Variants in ZNF804B observed in about 807,000 individuals in gnomAD.
The protein encoded by ZNF804B is zinc finger 804B.
Under a neutral mutation model 101.4 loss-of-function variants are expected in ZNF804B, and 80 were observed. That is an observed-to-expected ratio of 0.79 (90% CI 0.66 to 0.95). The LOEUF (loss-of-function observed/expected upper bound fraction) is 0.95. Among genes scored for constraint, ZNF804B ranks in the 40% least tolerant of loss-of-function variants. The probability of loss-of-function intolerance (pLI) is 0.00; values close to 1 mark genes in which losing one functional copy is unlikely to be tolerated. For missense variants in ZNF804B, 1,673 were observed against 1,561.9 expected, an observed-to-expected ratio of 1.07 and a Z score of -1.20; for synonymous variants, 622 against 558.8, an observed-to-expected ratio of 1.11 and a Z score of -1.59.
At chr7:89,216,336 G>C (rs192532256) in intron 1 of ZNF804B, among the ~76,000 whole-genome samples, 2 of 152,262 alleles carry the variant, frequency 1.3e-5, no homozygotes, top group East Asian at 3.9e-4. Flanking sequence ...TAGTGAGAAA[G>C]AGTGGAGAAA....
chr7:89,201,409 T>G (rs1284670431), intron 1 of ZNF804B, among the ~76,000 whole-genome samples: 3 of 152,016 alleles, frequency 2.0e-5, no homozygotes, highest in Non-Finnish European at 2.9e-5. Flanking sequence ...TAACAGACAC[T>G]GGAGACTCCA....
intron 2 of ZNF804B, among the ~76,000 whole-genome samples, chr7:89,232,274 T>C (rs1423506305): frequency 6.6e-6 from 1 of 152,146 alleles, no homozygotes; most frequent in Admixed American, 6.5e-5. Flanking sequence ...ATTTCTGGAG[T>C]AAATCTCACT....
chr7:88,788,365 A>G (rs1266649268), intron 1 of ZNF804B, among the ~76,000 whole-genome samples: 1 of 151,916 alleles, frequency 6.6e-6, no homozygotes, highest in Non-Finnish European at 1.5e-5. Context: ...CCTTCAACAC[A>G]CCAAGCTTGC....
chr7:89,064,256 A>G (rs150814466), intron 1 of ZNF804B, among the ~76,000 whole-genome samples: 12 of 152,256 alleles, frequency 7.9e-5, no homozygotes, highest in Non-Finnish European at 1.8e-4. Flanking sequence ...AGAAGAACAT[A>G]ACTTTGAGTG....
intron 1 of ZNF804B, among the ~76,000 whole-genome samples, chr7:89,133,447 T>A (rs995673387): frequency 1.3e-4 from 20 of 151,914 alleles, no homozygotes; most frequent in African/African-American, 4.6e-4. Flanking sequence ...AAGGCCAGGG[T>A]TAAGAGAGTC....
chr7:89,160,187 A>G (rs1791037541), intron 1 of ZNF804B, among the ~76,000 whole-genome samples: 1 of 152,266 alleles, frequency 6.6e-6, no homozygotes, highest in African/African-American at 2.4e-5. Context: ...AAGAAAACCT[A>G]TCATTTTGGC....
chr7:89,263,657 C>T (rs1206657685), intron 2 of ZNF804B, among the ~76,000 whole-genome samples: 2 of 151,534 alleles, frequency 1.3e-5, no homozygotes, highest in Non-Finnish European at 2.9e-5. Context: ...AGGTCATCCT[C>T]GATTATCTGG....
chr7:88,774,665 T>C (rs145307861), intron 1 of ZNF804B, among the ~76,000 whole-genome samples: 6 of 152,336 alleles, frequency 3.9e-5, no homozygotes, highest in African/African-American at 1.4e-4. Flanking sequence ...TCTGTTAATC[T>C]AATACCTCAG....
At chr7:88,824,677 G>T (rs1337830481) in intron 1 of ZNF804B, among the ~76,000 whole-genome samples, 10 of 152,090 alleles carry the variant, frequency 6.6e-5, no homozygotes, top group Non-Finnish European at 1.3e-4. Context: ...TAAGCTTGAT[G>T]GTGAATAAAG....
intron 1 of ZNF804B, among the ~76,000 whole-genome samples, chr7:89,142,944 T>G (rs1191564289): frequency 6.6e-6 from 1 of 151,966 alleles, no homozygotes; most frequent in Non-Finnish European, 1.5e-5. Flanking sequence ...ATTGAAGCAC[T>G]GTAATATACT....
chr7:88,967,736 A>T (rs887237283), intron 1 of ZNF804B, among the ~76,000 whole-genome samples: 1 of 140,994 alleles, frequency 7.1e-6, no homozygotes, highest in Admixed American at 7.0e-5. Context: ...AAAAAAAAAA[A>T]ATCATGTGTA....
At chr7:88,864,289 A>C in intron 1 of ZNF804B, among the ~76,000 whole-genome samples, 1 of 152,234 alleles carries the variant, frequency 6.6e-6, no homozygotes. Flanking sequence ...GCAATGAATG[A>C]GACAACGAAT....
chr7:88,820,518 C>T (rs1258717130), intron 1 of ZNF804B, among the ~76,000 whole-genome samples: 1 of 152,134 alleles, frequency 6.6e-6, no homozygotes, highest in Non-Finnish European at 1.5e-5. Flanking sequence ...TCTGTCTGAT[C>T]CTTTCCATGG....
intron 1 of ZNF804B, among the ~76,000 whole-genome samples, chr7:88,828,218 A>C (rs984930934): frequency 4.6e-5 from 7 of 152,140 alleles, no homozygotes; most frequent in Non-Finnish European, 1.0e-4. Flanking sequence ...ATATGCAATA[A>C]ATGCAACCAT....
rs557757982 is a variant in ZNF804B at position 88,985,962 on chromosome 7, A to C, written c.108+225878A>C. 5.3e-4 allele frequency among the ~76,000 whole-genome samples: 80 copies of C among 152,256 alleles called. 1 individual carries two copies. The highest frequency in any genetic ancestry group is 4.8e-3 in the Admixed American group (74 of 15,272). On this transcript the variant is annotated intron_variant, in intron 1 of 3. Coordinates refer to ENST00000333190, the MANE Select transcript of ZNF804B (RefSeq NM_181646.5). ...CAATAAACTCTCATAGTCTTTCAAA[A>C]TGATTCGTCACATGCCTCAAATATT...
At chr7:89,299,926 T>A (rs879874010) in intron 2 of ZNF804B, among the ~76,000 whole-genome samples, 8 of 151,922 alleles carry the variant, frequency 5.3e-5, no homozygotes, top group Non-Finnish European at 8.8e-5. Context: ...GTCTTGGTAA[T>A]AGAAGTGTCA....
At chr7:89,300,189 A>G (rs73384359) in intron 2 of ZNF804B, among the ~76,000 whole-genome samples, 3,427 of 151,784 alleles carry the variant, frequency 0.023, 124 homozygotes, top group African/African-American at 0.078. Context: ...ATACCACTGT[A>G]TAGTTCAAAA....
rs193135179 is a variant in ZNF804B at position 89,337,950 on chromosome 7, T to C, written c.*918T>C. ...AAAGGTTTGAAAATGTCAGTGTTTT[T>C]ACATGTTTATTGAGGATATCTTATT... On this transcript the variant is annotated 3_prime_UTR_variant, in exon 4 of 4. Coordinates refer to ENST00000333190, the MANE Select transcript of ZNF804B (RefSeq NM_181646.5). 1.6e-4 allele frequency among the ~76,000 whole-genome samples: 25 copies of C among 152,214 alleles called. No homozygotes were observed. Among genetic ancestry groups the C allele is most frequent in the African/African-American group, 5.8e-4 (24 of 41,570 alleles).
chr7:89,333,926 A>C lies in ZNF804B; in HGVS notation c.944A>C (p.Glu315Ala). The C allele has an allele frequency of 6.2e-7, 1 of 1,613,608 alleles. No homozygotes were observed. Among genetic ancestry groups the C allele is most frequent in the Non-Finnish European group, 8.5e-7 (1 of 1,179,766 alleles). The change falls in exon 4 of 4, where the codon GAA (glutamate) becomes GCA (alanine). Residue 315 changes from glutamate (E) to alanine (A), a missense_variant. Transcript: ENST00000333190. Reference protein sequence around the residue: ...DKHDSIDETLEDSIGIHASFS... With the variant: ...DKHDSIDETLADSIGIHASFS... ...CACGACTCTATTGATGAGACACTAG[A>C]AGATTCAATTGGCATTCATGCTTCA...
Sources: allele counts gnomAD v4.1 joint callset (sites outside exome capture counted in the v4.1 genomes callset), GRCh38; gene constraint gnomAD v4.1.1; transcripts MANE v1.5; gene names NCBI Gene and HGNC (gene_info 2026-07-23, HGNC 2026-07-21).